The following ESCO1 variants were observed in gnomAD, a reference collection of about 807,000 sequenced individuals.
ESCO1 encodes the protein establishment of sister chromatid cohesion N-acetyltransferase 1, also known as N-acetyltransferase ESCO1.
In ESCO1, 33 loss-of-function variants were observed where a neutral mutation model predicts 83.5. The observed-to-expected ratio is 0.40, with a 90% CI of 0.30 to 0.53. The LOEUF is 0.53. Ranked by LOEUF, ESCO1 falls within the 20% of genes least tolerant of loss-of-function variation. The pLI is 0.63. For missense variants in ESCO1, 855 were observed against 968.0 expected, an observed-to-expected ratio of 0.88 and a Z score of 1.55; for synonymous variants, 332 against 324.3, an observed-to-expected ratio of 1.02 and a Z score of -0.25.
intron 8 of ESCO1, among the ~76,000 whole-genome samples, chr18:21,550,215 G>A (rs1036211237): frequency 2.6e-5 from 4 of 152,160 alleles, no homozygotes; most frequent in Non-Finnish European, 4.4e-5. Flanking sequence ...AGAACAAGAA[G>A]AGTCTCATCA....
rs1395998564 is a variant in ESCO1, at chr18:21,588,844, T to A, written c.-824-4404A>T. ...GGCGGGAGACTGCAGTGAGCCTTGATCGCACCACTCCACTCCAAGCTGGGC... is the reference window on the plus strand; with the variant it reads ...GGCGGGAGACTGCAGTGAGCCTTGAACGCACCACTCCACTCCAAGCTGGGC... On this transcript the variant is annotated intron_variant, in intron 1 of 11. Coordinates refer to ENST00000269214, the MANE Select transcript of ESCO1 (RefSeq NM_052911.3). Among the ~76,000 whole-genome samples the A allele has an allele frequency of 2.0e-5, 3 of 152,028 alleles. No individual in the cohort carries two copies. In the East Asian group the frequency reaches 5.8e-4, roughly 29 times the overall value.
At chr18:21,558,919 T>C (rs762314026) in intron 8 of ESCO1, among the ~76,000 whole-genome samples, 6 of 152,042 alleles carry the variant, frequency 3.9e-5, no homozygotes. Context: ...ACAGATAAAA[T>C]TGGCATTAAA....
chr18:21,578,956 G>A (rs540097732), intron 2 of ESCO1, among the ~76,000 whole-genome samples: 4 of 152,232 alleles, frequency 2.6e-5, no homozygotes, highest in African/African-American at 9.6e-5. Flanking sequence ...CACCTCCTGG[G>A]TTCAAGTGAT....
chr18:21,557,382 A>G (rs1423983629), intron 8 of ESCO1, among the ~76,000 whole-genome samples: 1 of 152,228 alleles, frequency 6.6e-6, no homozygotes, highest in Non-Finnish European at 1.5e-5. Flanking sequence ...GTTACCAATC[A>G]TAGATGACTA....
chr18:21,579,779 C>CAT (rs1201172634), intron 2 of ESCO1, among the ~76,000 whole-genome samples: 1 of 50,962 alleles, frequency 2.0e-5, no homozygotes, highest in African/African-American at 6.2e-5. Flanking sequence ...CTGACACACA[C>CAT]ACACACGCGC....
intron 2 of ESCO1, among the ~76,000 whole-genome samples, chr18:21,579,782 A>ACGCGCGCGCG (rs1303497084): frequency 8.5e-5 from 4 of 47,248 alleles, no homozygotes; most frequent in African/African-American, 2.5e-4. Flanking sequence ...ACACACACAC[A>ACGCGCGCGCG]CACGCGCGCG....
intron 4 of ESCO1, among the ~76,000 whole-genome samples, chr18:21,572,470 T>C (rs1008966649): frequency 1.3e-5 from 2 of 152,200 alleles, no homozygotes; most frequent in Non-Finnish European, 2.9e-5. Context: ...CTTTTCCATT[T>C]CAGAGTCTTG....
In ESCO1 at chr18:21,573,763, G is replaced by A; in HGVS notation, c.1081C>T (p.Gln361Ter). 1 of 1,614,074 alleles carries A rather than the reference G, an allele frequency of 6.2e-7. No individual in the cohort carries two copies. Among genetic ancestry groups the A allele is most frequent in the Non-Finnish European group, 8.5e-7 (1 of 1,180,000 alleles). Residue 361 changes from glutamine to a stop codon, truncating the protein, a stop_gained, in exon 4 of 12, where the codon CAA (glutamine) becomes TAA (stop). Transcript: ENST00000269214. LOFTEE classifies it high-confidence loss of function. ...LHQKETNQDVQCNRFFPSRKT... is the reference protein window; with the variant it reads ...LHQKETNQDV ...CTACTTGGGAAAAAACGATTACATTGCACATCCTGATTTGTTTCCTTCTGA... is the reference window on the plus strand; with the variant it reads ...CTACTTGGGAAAAAACGATTACATTACACATCCTGATTTGTTTCCTTCTGA...
chr18:21,569,208 T>G (rs2038304567), intron 4 of ESCO1, among the ~76,000 whole-genome samples: 1 of 152,242 alleles, frequency 6.6e-6, no homozygotes, highest in South Asian at 2.1e-4. Flanking sequence ...CTATAAAGCT[T>G]AAAAGCAACA....
chr18:21,597,544 T>C (rs952235664), intron 1 of ESCO1, among the ~76,000 whole-genome samples: 11 of 151,886 alleles, frequency 7.2e-5, no homozygotes, highest in Admixed American at 7.2e-4. Context: ...TATATTAAGC[T>C]GTAGTTTAAT....
At chr18:21,548,810 C>G (rs2038007758) in intron 8 of ESCO1, among the ~76,000 whole-genome samples, 1 of 152,072 alleles carries the variant, frequency 6.6e-6, no homozygotes, top group Admixed American at 6.6e-5. Flanking sequence ...CATGGTGACA[C>G]ATGCTTGTAG....
At position 21,532,475 on chromosome 18, in the gene ESCO1, T is replaced by C. The variant is rs1482941394; in HGVS notation, c.2373A>G (p.Leu791=). 5 of 1,609,422 alleles carry C rather than the reference T, an allele frequency of 3.1e-6. No individual in the cohort carries two copies. The highest frequency in any genetic ancestry group is 1.7e-4 in the Middle Eastern group (1 of 6,022). ...KKIASRMIEC[L]RSNFIYGSYL... ...TTGAAGGATTACATTCAAGTTACCT[T>C]AGGCATTCAATCATGCGAGAAGCAA... The change falls in exon 11 of 12, where the codon CTA becomes CTG. Residue 791 remains leucine, a splice_region_variant and synonymous_variant. Transcript: ENST00000269214.
intron 8 of ESCO1, among the ~76,000 whole-genome samples, chr18:21,550,478 C>G (rs1252447770): frequency 1.3e-5 from 2 of 152,074 alleles, no homozygotes; most frequent in African/African-American, 4.8e-5. Context: ...TTAAAGAATC[C>G]TAAAAATCTC....
intron 2 of ESCO1, among the ~76,000 whole-genome samples, chr18:21,581,405 G>T (rs2038500784): frequency 6.6e-6 from 1 of 151,622 alleles, no homozygotes. Flanking sequence ...TCCAACATAT[G>T]AATTTGTAGA....
chr18:21,554,868 A>G (rs1313525635), intron 8 of ESCO1, among the ~76,000 whole-genome samples: 3 of 152,122 alleles, frequency 2.0e-5, no homozygotes, highest in African/African-American at 7.2e-5. Flanking sequence ...AGATCATGCC[A>G]CTGCACTCTG....
chr18:21,533,878 T>A (rs2146165723), intron 10 of ESCO1, among the ~76,000 whole-genome samples: 1 of 152,314 alleles, frequency 6.6e-6, no homozygotes, highest in African/African-American at 2.4e-5. Context: ...TATATAATAA[T>A]TTCAGGCTGA....
chr18:21,590,911 C>A (rs1445706022), intron 1 of ESCO1, among the ~76,000 whole-genome samples: 2 of 151,616 alleles, frequency 1.3e-5, no homozygotes, highest in Non-Finnish European at 2.9e-5. Flanking sequence ...CATTACTGCA[C>A]TCCAGCCTCA....
intron 4 of ESCO1, among the ~76,000 whole-genome samples, chr18:21,570,368 G>A (rs11872965): frequency 0.32 from 48,343 of 152,010 alleles, 10,538 homozygotes; most frequent in African/African-American, 0.58. Context: ...CAAAATGCTG[G>A]GATTACAGGC....
At chr18:21,590,952 A>C (rs2038658828) in intron 1 of ESCO1, among the ~76,000 whole-genome samples, 1 of 142,832 alleles carries the variant, frequency 7.0e-6, no homozygotes, top group South Asian at 2.5e-4. Flanking sequence ...AAAAGAAAAA[A>C]AAAAAAGAAA....
Sources: gnomAD v4.1 joint callset for allele counts (sites outside exome capture counted in the v4.1 genomes callset) on GRCh38, gnomAD v4.1.1 for gene constraint, MANE v1.5 for transcripts, NCBI Gene and HGNC (gene_info 2026-07-23, HGNC 2026-07-21) for gene names.